Variants in THSD7B observed in about 807,000 individuals in gnomAD.
THSD7B encodes the protein thrombospondin type-1 domain-containing protein 7B.
A neutral mutation model predicts 213.6 loss-of-function variants in THSD7B; 138 were observed. That is an observed-to-expected ratio of 0.65 (90% CI 0.56 to 0.74). The LOEUF (loss-of-function observed/expected upper bound fraction) is 0.74. THSD7B is among the 30% of genes least tolerant of loss of function. The probability of loss-of-function intolerance (pLI) is 0.00; values close to 1 mark genes in which losing one functional copy is unlikely to be tolerated. For synonymous variants in THSD7B, 742 were observed against 687.0 expected (o/e 1.08, Z -1.25); for missense variants, 1,931 against 1,991.5 (o/e 0.97, Z 0.58).
rs9678183 is a variant in THSD7B at position 137,491,511 on chromosome 2, C to A, written c.3138+40488C>A. On this transcript the variant is annotated intron_variant, in intron 15 of 27. Transcript: ENST00000409968. ...TAATTGTATTTATATGATACCAAGCCACATAGTTAACTTTTACTCCCTTCA... is the reference window on the plus strand; with the variant it reads ...TAATTGTATTTATATGATACCAAGCAACATAGTTAACTTTTACTCCCTTCA... Among the ~76,000 whole-genome samples the A allele has an allele frequency of 8.0e-3, 1,220 of 152,198 alleles. 16 individuals carry two copies. The highest frequency in any genetic ancestry group is 0.028 in the African/African-American group (1,169 of 41,492).
At chr2:137,008,749 TA>T (rs201327393) in intron 2 of THSD7B, among the ~76,000 whole-genome samples, 3 of 152,224 alleles carry the variant, frequency 2.0e-5, no homozygotes, top group South Asian at 4.2e-4. Flanking sequence ...CAGAGTATAA[TA>T]AAAAAAATCA....
At chr2:137,623,622 T>C (rs1218883177) in intron 20 of THSD7B, among the ~76,000 whole-genome samples, 1 of 152,198 alleles carries the variant, frequency 6.6e-6, no homozygotes, top group Admixed American at 6.5e-5. Context: ...ATAAGCAACT[T>C]CAGCAAAATC....
chr2:136,979,846 C>T (rs4954456), intron 2 of THSD7B, among the ~76,000 whole-genome samples: 59,282 of 152,050 alleles, frequency 0.39, 13,107 homozygotes, highest in East Asian at 0.66. Context: ...AAGAGACACT[C>T]TTGCTTTTTT....
intron 2 of THSD7B, among the ~76,000 whole-genome samples, chr2:136,915,170 G>A (rs1684329798): frequency 6.6e-6 from 1 of 152,158 alleles, no homozygotes; most frequent in Admixed American, 6.5e-5. Flanking sequence ...TCCATGCATT[G>A]AAGTGAGATA....
At chr2:136,895,007 C>T (rs940494405) in intron 2 of THSD7B, among the ~76,000 whole-genome samples, 30 of 152,240 alleles carry the variant, frequency 2.0e-4, no homozygotes, top group African/African-American at 7.0e-4. Context: ...AACTGACAGT[C>T]TGTGGCATGT....
rs191780740 is a variant in THSD7B, at chr2:137,033,704, C to A, written c.140-22716C>A. The stretch of plus-strand genomic sequence containing the variant: ...CTCGGCTCACTGCAACCTCTGCCTC[C>A]CGGGTTCAAGCGATTCTCCTGCCTC... On this transcript the variant is annotated intron_variant, in intron 2 of 27. Transcript: ENST00000409968. Among the ~76,000 whole-genome samples the A allele has an allele frequency of 3.7e-3, 570 of 152,158 alleles. 4 individuals carry two copies. The highest frequency in any genetic ancestry group is 4.4e-3 in the Non-Finnish European group (300 of 67,978).
At chr2:137,229,435 G>A (rs1393322169) in intron 7 of THSD7B, among the ~76,000 whole-genome samples, 7 of 152,006 alleles carry the variant, frequency 4.6e-5, no homozygotes, top group African/African-American at 1.2e-4. Flanking sequence ...ATTGGAACTG[G>A]TTTTTCAGCT....
At chr2:137,011,850 G>A (rs2116538) in intron 2 of THSD7B, among the ~76,000 whole-genome samples, 106,544 of 152,064 alleles carry the variant, frequency 0.7, 38,618 homozygotes, top group South Asian at 0.85. Context: ...GATCACTACC[G>A]TCTTCATCTA....
chr2:137,133,214 T>C (rs746137656), intron 5 of THSD7B, among the ~76,000 whole-genome samples: 1 of 152,166 alleles, frequency 6.6e-6, no homozygotes, highest in Non-Finnish European at 1.5e-5. Context: ...CTTTCCACTG[T>C]CTCACCTAAA....
intron 1 of THSD7B, among the ~76,000 whole-genome samples, chr2:136,854,150 TG>T: frequency 1.3e-5 from 2 of 152,188 alleles, no homozygotes; most frequent in East Asian, 3.9e-4. Context: ...GAAATGTCAT[TG>T]CTTCTAGGCC....
intron 2 of THSD7B, among the ~76,000 whole-genome samples, chr2:136,973,754 C>A (rs1457530103): frequency 3.9e-5 from 6 of 152,182 alleles, no homozygotes; most frequent in African/African-American, 1.4e-4. Context: ...TTCATTAAAG[C>A]AGCACCCTTG....
intron 12 of THSD7B, among the ~76,000 whole-genome samples, chr2:137,372,985 A>C (rs1174484541): frequency 6.6e-6 from 1 of 151,758 alleles, no homozygotes; most frequent in Non-Finnish European, 1.5e-5. Context: ...ACTGAGAATG[A>C]TGATTTCCAA....
chr2:137,073,455 T>C (rs918684749), intron 3 of THSD7B, among the ~76,000 whole-genome samples: 1 of 150,722 alleles, frequency 6.6e-6, no homozygotes, highest in African/African-American at 2.4e-5. Flanking sequence ...GTGATATCCA[T>C]TGCATCTATT....
intron 7 of THSD7B, among the ~76,000 whole-genome samples, chr2:137,190,773 A>G (rs1262032338): frequency 6.6e-6 from 1 of 152,204 alleles, no homozygotes; most frequent in African/African-American, 2.4e-5. Flanking sequence ...TCCTAGGAGC[A>G]TAGTATTTTC....
At chr2:136,826,941 A>G (rs886170942) in intron 1 of THSD7B, among the ~76,000 whole-genome samples, 3 of 152,214 alleles carry the variant, frequency 2.0e-5, no homozygotes, top group African/African-American at 7.2e-5. Flanking sequence ...ATATACTTAC[A>G]TCTCCATCTC....
intron 1 of THSD7B, among the ~76,000 whole-genome samples, chr2:136,782,901 A>G (rs929922795): frequency 6.6e-6 from 1 of 152,048 alleles, no homozygotes; most frequent in Admixed American, 6.6e-5. Flanking sequence ...TCTGTTAATT[A>G]AAAAAAAGAA....
chr2:137,654,124 A>C (rs2104815105), intron 21 of THSD7B, among the ~76,000 whole-genome samples: 1 of 152,090 alleles, frequency 6.6e-6, no homozygotes, highest in South Asian at 2.1e-4. Flanking sequence ...TCTACTGCTA[A>C]GTTCTGGCCT....
chr2:137,150,264 G>GAAAAAAAAAAAA (rs60173278), intron 5 of THSD7B, among the ~76,000 whole-genome samples: 2,420 of 149,778 alleles, frequency 0.016, 26 homozygotes, highest in African/African-American at 0.029. Context: ...AAAAGAAAAA[G>GAAAAAAAAAAAA]AAAAAGAAAG....
At position 137,419,415 on chromosome 2, in the gene THSD7B, C is replaced by T. The variant is rs1168658183; in HGVS notation, c.2959+7543C>T. Among the ~76,000 whole-genome samples the T allele has an allele frequency of 1.1e-4, 4 of 35,558 alleles. 1 individual carries two copies. Among genetic ancestry groups the T allele is most frequent in the African/African-American group, 1.8e-4 (4 of 22,008 alleles). 23.3% of individuals were successfully genotyped at this position (35,558 alleles called of 152,430 possible). A position where few individuals can be genotyped will look rare whatever the true frequency, so the allele number is the denominator to read the frequency against. On this transcript the variant is annotated intron_variant, in intron 14 of 27. Coordinates refer to ENST00000409968, the MANE Select transcript of THSD7B (RefSeq NM_001316349.2). Reference sequence around the variant, plus strand: ...AGAAGAATGAGGATACACTGATAATCGAAGAGTGAAAAGGACAGAGAATAA... The same window carrying T: ...AGAAGAATGAGGATACACTGATAATTGAAGAGTGAAAAGGACAGAGAATAA...
Sources: allele counts gnomAD v4.1 joint callset (sites outside exome capture counted in the v4.1 genomes callset), GRCh38; gene constraint gnomAD v4.1.1; transcripts MANE v1.5; gene names NCBI Gene and HGNC (gene_info 2026-07-23, HGNC 2026-07-21).